Variants in TACC1 observed in about 807,000 individuals in gnomAD.
The protein encoded by TACC1 is transforming acidic coiled-coil containing protein 1, also known as transforming acidic coiled-coil-containing protein 1.
In TACC1, 48 loss-of-function variants were observed where a neutral mutation model predicts 84.4. The observed-to-expected ratio is 0.57, with a 90% CI of 0.45 to 0.72. The LOEUF is 0.72. Ranked by LOEUF, TACC1 falls within the 30% of genes least tolerant of loss-of-function variation. TACC1 has a pLI of 0.00. For synonymous variants in TACC1, 372 were observed against 376.3 expected (o/e 0.99, Z 0.13); for missense variants, 920 against 973.0 (o/e 0.95, Z 0.72).
chr8:38,769,154 GGT>G lies in TACC1; in HGVS notation c.27-19539_27-19538del, dbSNP rs1047057304. Among the ~76,000 whole-genome samples the G allele has an allele frequency of 1.2e-4, 18 of 145,442 alleles. 1 individual carries two copies. Among genetic ancestry groups the G allele is most frequent in the South Asian group, 9.1e-4 (4 of 4,402 alleles). On this transcript the variant is annotated intron_variant, in intron 3 of 14. Coordinates refer to the TACC1 transcript ENST00000518415. ...GTGGTATATGTGTGACTAGGTGTGTGGTGTGTGTGTGTATGAGACTGTGTATG... is the reference window on the plus strand; with the variant it reads ...GTGGTATATGTGTGACTAGGTGTGTGGTGTGTGTGTATGAGACTGTGTATG...
At chr8:38,833,907 G>A (rs1829743993) in intron 6 of TACC1, among the ~76,000 whole-genome samples, 1 of 152,208 alleles carries the variant, frequency 6.6e-6, no homozygotes, top group Non-Finnish European at 1.5e-5. Flanking sequence ...AAGTTTAACA[G>A]TGAGGTGAAT....
chr8:38,787,008 G>A (rs1178584083), upstream of TACC1, among the ~76,000 whole-genome samples: 2 of 151,858 alleles, frequency 1.3e-5, no homozygotes, highest in African/African-American at 4.8e-5. Context: ...CGGCGGACCT[G>A]TGGGGTATGA....
intron 2 of TACC1, among the ~76,000 whole-genome samples, chr8:38,819,032 T>C (rs1826078683): frequency 6.6e-6 from 1 of 152,202 alleles, no homozygotes; most frequent in Non-Finnish European, 1.5e-5. Context: ...CGTCTTGGCC[T>C]CCCAAGATAC....
intron 1 of TACC1, among the ~76,000 whole-genome samples, chr8:38,737,999 TTA>T (rs1348459735): frequency 1.3e-5 from 2 of 152,038 alleles, no homozygotes; most frequent in African/African-American, 4.8e-5. Context: ...AGTGCTGGGA[TTA>T]TAGGCATGAG....
chr8:38,828,094 A>G (rs1340744330), intron 5 of TACC1: 1 of 152,512 alleles, frequency 6.6e-6, no homozygotes, highest in Non-Finnish European at 1.5e-5. Context: ...TGGCCTATAA[A>G]TATGTCATAT....
intron 3 of TACC1, among the ~76,000 whole-genome samples, chr8:38,768,616 G>T (rs1308707084): frequency 6.6e-6 from 1 of 152,200 alleles, no homozygotes; most frequent in East Asian, 1.9e-4. Flanking sequence ...GAATGGTCCA[G>T]GGGCTGAGCA....
chr8:38,847,334 C>A (rs1451516752), intron 12 of TACC1, among the ~76,000 whole-genome samples: 1 of 152,194 alleles, frequency 6.6e-6, no homozygotes, highest in Non-Finnish European at 1.5e-5. Context: ...AGGACAGCCT[C>A]TGACAACACA....
At chr8:38,794,577 T>C (rs1439314719) in intron 2 of TACC1, among the ~76,000 whole-genome samples, 1 of 152,204 alleles carries the variant, frequency 6.6e-6, no homozygotes, top group East Asian at 1.9e-4. Context: ...TGTGTGTGTG[T>C]GTGCGTGCTA....
At chr8:38,769,195 GGTGT>G (rs1313539249) in intron 3 of TACC1, among the ~76,000 whole-genome samples, 2 of 147,210 alleles carry the variant, frequency 1.4e-5, no homozygotes, top group African/African-American at 5.0e-5. Flanking sequence ...GGGTGTGTGT[GGTGT>G]GTGTGATTGT....
Position 38,788,816 on chromosome 8 carries a change from C to A in TACC1, c.274C>A (p.Gln92Lys), listed in dbSNP as rs748729331. 17 of 1,597,000 alleles carry A rather than the reference C, an allele frequency of 1.1e-5. No individual in the cohort carries two copies. Among genetic ancestry groups the A allele is most frequent in the Non-Finnish European group, 1.4e-5 (17 of 1,174,174 alleles). The stretch of plus-strand genomic sequence containing the variant: ...ATTGGCAGGACCTGGGGCCAAAAGC[C>A]AAGGTAAAGAAAAACTTGCATTTTT... ...LGLAGPGAKS[Q>K]ESQEADEQLV... The change falls in exon 2 of 13, where the codon CAA becomes AAA. Residue 92 changes from glutamine (Q) to lysine (K), a missense_variant. Physicochemically the swap from Gln to Lys is moderately conservative, Grantham distance 53. Transcript: ENST00000317827.
intron 2 of TACC1, among the ~76,000 whole-genome samples, chr8:38,810,298 C>CT (rs963431764): frequency 1.1e-4 from 16 of 151,946 alleles, no homozygotes; most frequent in South Asian, 2.1e-4. Context: ...TTTAGGTAAA[C>CT]TTTTTTTTAA....
chr8:38,816,733 C>T (rs1825523574), intron 2 of TACC1, among the ~76,000 whole-genome samples: 1 of 152,214 alleles, frequency 6.6e-6, no homozygotes. Context: ...CCTCTGGGCA[C>T]ACCACCCTCC....
chr8:38,843,109 A>G (rs1170555856), intron 10 of TACC1, among the ~76,000 whole-genome samples, 180 bp from the exon 11 acceptor site: 1 of 152,250 alleles, frequency 6.6e-6, no homozygotes, highest in Non-Finnish European at 1.5e-5. Context: ...ACATGAAGAC[A>G]TTATGTAGAA....
chr8:38,806,738 T>C (rs931389210), intron 2 of TACC1, among the ~76,000 whole-genome samples: 2 of 152,190 alleles, frequency 1.3e-5, no homozygotes, highest in Non-Finnish European at 2.9e-5. Context: ...TTGTGGAATA[T>C]GCGGTTCTCT....
chr8:38,829,159 T>A, intron 5 of TACC1, among the ~76,000 whole-genome samples: 1 of 152,198 alleles, frequency 6.6e-6, no homozygotes, highest in East Asian at 1.9e-4. Context: ...AACTCAGATC[T>A]TCTTAACATA....
upstream of TACC1, chr8:38,787,199 G>C: frequency 1.0e-6 from 1 of 988,910 alleles, no homozygotes; most frequent in Non-Finnish European, 1.2e-6. Flanking sequence ...CGCGGCTCCG[G>C]CGGCAGCTGA....
chr8:38,780,254 T>A (rs752081176), intron 3 of TACC1, among the ~76,000 whole-genome samples: 1 of 150,776 alleles, frequency 6.6e-6, no homozygotes, highest in Non-Finnish European at 1.5e-5. Context: ...TGGTATATGC[T>A]CTGAGGTAAG....
At chr8:38,821,333 A>G (rs746578310) in intron 3 of TACC1, among the ~76,000 whole-genome samples, 1 of 152,194 alleles carries the variant, frequency 6.6e-6, no homozygotes, top group African/African-American at 2.4e-5. Flanking sequence ...TTCATACTCT[A>G]TGGATAAAAC....
chr8:38,757,137 G>C (rs1810208879), intron 3 of TACC1: 2 of 616,118 alleles, frequency 3.2e-6, no homozygotes, highest in African/African-American at 4.1e-5. Context: ...CCTGCAATCC[G>C]CGGAGAAGTT....
Sources: gnomAD v4.1 joint callset for allele counts (sites outside exome capture counted in the v4.1 genomes callset) on GRCh38, gnomAD v4.1.1 for gene constraint, MANE v1.5 for transcripts, NCBI Gene and HGNC (gene_info 2026-07-23, HGNC 2026-07-21) for gene names.